The following HEMK2 variants were observed in gnomAD, a reference collection of about 807,000 sequenced individuals.
HEMK2 encodes the protein HemK methyltransferase 2, ETF1 glutamine and histone H4 lysine.
At chr21:28,594,968 T>A in the HEMK2 span, among the ~76,000 whole-genome samples, 1 of 152,252 alleles carries the variant, frequency 6.6e-6, no homozygotes. Context: ...GTTGGAATGA[T>A]CAATTATTTC....
At chr21:28,599,374 AAGAG>A in the HEMK2 span, among the ~76,000 whole-genome samples, 1 of 152,228 alleles carries the variant, frequency 6.6e-6, no homozygotes, top group African/African-American at 2.4e-5. Context: ...GGAGGCAGAC[AAGAG>A]AGAGAATGAG....
At chr21:28,622,906 T>C in the HEMK2 span, among the ~76,000 whole-genome samples, 3 of 152,128 alleles carry the variant, frequency 2.0e-5, no homozygotes, top group African/African-American at 4.8e-5. Flanking sequence ...GGCAATACCA[T>C]TCAGGACATA....
At chr21:28,764,726 G>A in the HEMK2 span, among the ~76,000 whole-genome samples, 499 of 152,202 alleles carry the variant, frequency 3.3e-3, 2 homozygotes, top group African/African-American at 0.011. Context: ...CAGCTGTCAG[G>A]AAAGAGAGGG....
the HEMK2 span, among the ~76,000 whole-genome samples, chr21:28,686,113 T>G: frequency 1.3e-5 from 2 of 152,216 alleles, no homozygotes; most frequent in African/African-American, 4.8e-5. Context: ...AGAAGAGGGC[T>G]CCAAAGAGCC....
At chr21:28,718,868 G>A in the HEMK2 span, among the ~76,000 whole-genome samples, 1 of 152,130 alleles carries the variant, frequency 6.6e-6, no homozygotes, top group Non-Finnish European at 1.5e-5. Context: ...AGACAAAAGA[G>A]TAGATGAAAG....
the HEMK2 span, among the ~76,000 whole-genome samples, chr21:28,832,989 T>A: frequency 6.6e-6 from 1 of 152,224 alleles, no homozygotes; most frequent in Admixed American, 6.5e-5. Flanking sequence ...TTGGTCTTCA[T>A]AACAACCTAG....
chr21:28,765,417 T>A, the HEMK2 span, among the ~76,000 whole-genome samples: 1 of 152,134 alleles, frequency 6.6e-6, no homozygotes, highest in Non-Finnish European at 1.5e-5. Flanking sequence ...TAAATGTGTG[T>A]TGTTTTAAGC....
chr21:28,665,255 A>G, the HEMK2 span, among the ~76,000 whole-genome samples: 1 of 151,110 alleles, frequency 6.6e-6, no homozygotes, highest in Non-Finnish European at 1.5e-5. Context: ...CCTGGGTGAC[A>G]GAGAGAGACC....
At chr21:28,609,728 T>C in the HEMK2 span, among the ~76,000 whole-genome samples, 1 of 150,568 alleles carries the variant, frequency 6.6e-6, no homozygotes, top group Admixed American at 6.6e-5. Flanking sequence ...ACAATCACAC[T>C]TTCTGGAAAT....
At chr21:28,844,739 T>C in the HEMK2 span, among the ~76,000 whole-genome samples, 745 of 151,986 alleles carry the variant, frequency 4.9e-3, 5 homozygotes, top group African/African-American at 0.017. Flanking sequence ...CTTCAATTTT[T>C]GTCATCTGAT....
the HEMK2 span, among the ~76,000 whole-genome samples, chr21:28,584,981 A>G: frequency 2.0e-5 from 3 of 152,330 alleles, 1 homozygote; most frequent in African/African-American, 2.4e-5. Context: ...AGAAACAAAG[A>G]CAATTCCTTT....
At chr21:28,791,404 C>A in the HEMK2 span, among the ~76,000 whole-genome samples, 1 of 152,054 alleles carries the variant, frequency 6.6e-6, no homozygotes, top group Admixed American at 6.6e-5. Flanking sequence ...GAATCTTTCA[C>A]CTTTTTCTAC....
the HEMK2 span, among the ~76,000 whole-genome samples, chr21:28,771,034 G>T: frequency 6.6e-6 from 1 of 152,024 alleles, no homozygotes; most frequent in Non-Finnish European, 1.5e-5. Flanking sequence ...CAACTTACTG[G>T]AATTTATAGA....
the HEMK2 span, among the ~76,000 whole-genome samples, chr21:28,786,993 G>C: frequency 6.6e-6 from 1 of 152,112 alleles, no homozygotes; most frequent in South Asian, 2.1e-4. Flanking sequence ...AAAAAGAACA[G>C]CTCTGGAGGC....
At chr21:28,735,440 C>G in the HEMK2 span, among the ~76,000 whole-genome samples, 1 of 152,174 alleles carries the variant, frequency 6.6e-6, no homozygotes, top group Non-Finnish European at 1.5e-5. Context: ...TGAGAGGCCA[C>G]TTTCAGCCAC....
the HEMK2 span, among the ~76,000 whole-genome samples, chr21:28,849,733 A>AAG: frequency 6.6e-6 from 1 of 152,246 alleles, no homozygotes; most frequent in Non-Finnish European, 1.5e-5. Context: ...ATACAATAGT[A>AAG]AGTACTGACA....
the HEMK2 span, among the ~76,000 whole-genome samples, chr21:28,777,062 C>T: frequency 6.6e-6 from 1 of 152,174 alleles, no homozygotes; most frequent in South Asian, 2.1e-4. Context: ...TATTATTGAA[C>T]ATGTTTTTCA....
At chr21:28,719,584 G>A in the HEMK2 span, among the ~76,000 whole-genome samples, 2 of 152,218 alleles carry the variant, frequency 1.3e-5, no homozygotes, top group African/African-American at 2.4e-5. Flanking sequence ...CCAGTCTCAG[G>A]TATATCTTTA....
chr21:28,872,365 G>T, the HEMK2 span: 3 of 152,150 alleles, frequency 2.0e-5, no homozygotes, highest in African/African-American at 4.8e-5. Flanking sequence ...CCCATGTGTG[G>T]GCGCTTAGTC....
Sources: gnomAD v4.1 joint callset for allele counts (sites outside exome capture counted in the v4.1 genomes callset) on GRCh38, gnomAD v4.1.1 for gene constraint, MANE v1.5 for transcripts, NCBI Gene and HGNC (gene_info 2026-07-23, HGNC 2026-07-21) for gene names.